The following PCCB variants were observed in gnomAD, a reference collection of about 807,000 sequenced individuals.
PCCB encodes the protein propionyl-CoA carboxylase subunit beta, also known as propionyl-CoA carboxylase beta chain, mitochondrial.
In PCCB, 43 loss-of-function variants were observed where a neutral mutation model predicts 60.7. The ratio of observed to expected loss-of-function variants is 0.71; its 90% CI spans 0.55 to 0.91. The LOEUF is 0.91. Among genes scored for constraint, PCCB ranks in the 40% least tolerant of loss-of-function variants. The pLI, the probability that PCCB is intolerant of heterozygous loss-of-function variation, is 0.00. For synonymous variants in PCCB, 276 were observed against 255.9 expected, an observed-to-expected ratio of 1.08 and a Z score of -0.75; for missense variants, 766 against 702.8, an observed-to-expected ratio of 1.09 and a Z score of -1.02.
chr3:136,283,908 C>G lies in PCCB; in HGVS notation c.615C>G (p.Val205=), dbSNP rs922880135. The change falls in exon 6 of 15, where the codon GTC becomes GTG. Residue 205 remains valine, a synonymous_variant. Coordinates refer to ENST00000251654, the MANE Select transcript of PCCB (RefSeq NM_000532.5). ...TGGGCCCATGTGCTGGTGGGGCCGTCTACTCCCCAGCCCTAACAGACTTCA... is the reference window on the plus strand; with the variant it reads ...TGGGCCCATGTGCTGGTGGGGCCGTGTACTCCCCAGCCCTAACAGACTTCA... ...LIMGPCAGGA[V]YSPALTDFTF... is the part of the protein sequence containing the mutation. The G allele has an allele frequency of 8.7e-6, 14 of 1,613,264 alleles. No individual in the cohort carries two copies. Among genetic ancestry groups the G allele is most frequent in the Non-Finnish European group, 1.1e-5 (13 of 1,179,274 alleles).
intron 1 of PCCB, among the ~76,000 whole-genome samples, chr3:136,250,858 A>G (rs1941495043): frequency 6.6e-6 from 1 of 152,212 alleles, no homozygotes; most frequent in African/African-American, 2.4e-5. Flanking sequence ...TCTGTGGGTC[A>G]TTTTAATAAT....
Position 136,329,896 on chromosome 3 carries a change from CT to C in PCCB, c.1499-7del. The C allele has an allele frequency of 1.2e-6, 2 of 1,614,088 alleles. No homozygotes were observed. Among genetic ancestry groups the C allele is most frequent in the Non-Finnish European group, 1.7e-6 (2 of 1,179,960 alleles). On this transcript the variant is annotated splice_polypyrimidine_tract_variant and splice_region_variant and intron_variant, in intron 14 of 14. Coordinates refer to ENST00000251654, the MANE Select transcript of PCCB (RefSeq NM_000532.5). ...CAGATGATCCACTCCCTTTTCTGTG[CT>C]TCACCAGGGTTTGTGGATGACATCA... is the stretch of plus-strand genomic sequence containing the variant.
intron 5 of PCCB, among the ~76,000 whole-genome samples, chr3:136,269,624 G>A (rs1248890166): frequency 2.0e-5 from 3 of 152,242 alleles, no homozygotes; most frequent in East Asian, 3.9e-4. Context: ...GGTGGCTCAC[G>A]CCTGTGATCC....
intron 3 of PCCB, chr3:136,260,276 C>G: frequency 1.5e-6 from 1 of 658,412 alleles, no homozygotes; most frequent in Non-Finnish European, 2.8e-6. Flanking sequence ...CGGGCTTCTG[C>G]CATGTCGCCC....
chr3:136,312,600 A>G (rs1934712493), intron 9 of PCCB, among the ~76,000 whole-genome samples: 1 of 152,248 alleles, frequency 6.6e-6, no homozygotes, highest in Non-Finnish European at 1.5e-5. Context: ...ATGTACAAAA[A>G]TAAACTACAA....
intron 3 of PCCB, among the ~76,000 whole-genome samples, chr3:136,258,591 A>T (rs184727424): frequency 6.6e-6 from 1 of 152,164 alleles, no homozygotes; most frequent in African/African-American, 2.4e-5. Flanking sequence ...CTTGCCTGAT[A>T]ATTGGCTGTT....
In PCCB at chr3:136,250,515, T is replaced by G. The variant is rs916083200; in HGVS notation, c.140T>G (p.Leu47Arg). 2 of 1,612,908 alleles carry G rather than the reference T, an allele frequency of 1.2e-6. No homozygotes were observed. Among genetic ancestry groups the G allele is most frequent in the African/African-American group, 2.7e-5 (2 of 74,930 alleles). ...ATCGAAAACAAGCGCCGGACCGCGC[T>G]GCTGGGAGGGGGCCAACGCCGTATT... ...ERIENKRRTA[L>R]LGGGQRRIDA... The change falls in exon 1 of 15, where the codon CTG becomes CGG. Residue 47 changes from leucine (L) to arginine (R), a missense_variant. Transcript: ENST00000251654.
rs369182457 is a variant in PCCB at position 136,270,713 on chromosome 3, T to C, written c.543+8648T>C. On this transcript the variant is annotated intron_variant, in intron 5 of 14. Coordinates refer to ENST00000251654, the MANE Select transcript of PCCB (RefSeq NM_000532.5). ...TAGAGACAGGGTTTCACCATATTGGTCAGGCTGGTCTCAAACTCCTGGCCT... is the reference window on the plus strand; with the variant it reads ...TAGAGACAGGGTTTCACCATATTGGCCAGGCTGGTCTCAAACTCCTGGCCT... 6.7e-4 allele frequency among the ~76,000 whole-genome samples: 102 copies of C among 152,180 alleles called. 1 individual carries two copies. The South Asian group carries it at 0.021, about 31-fold the overall frequency.
chr3:136,301,099 C>T lies in PCCB; in HGVS notation c.954C>T (p.Asp318=), dbSNP rs1934258723. 1 of 1,612,270 alleles carries T rather than the reference C, an allele frequency of 6.2e-7. No individual in the cohort carries two copies. The highest frequency in any genetic ancestry group is 1.3e-5 in the African/African-American group (1 of 75,006). ...CAACCAAAGCCTACAACATGGTGGA[C>T]ATCATACACTCTGTAAGTGCCACAT... ...LESTKAYNMV[D]IIHSVVDERE... The change falls in exon 9 of 15, where the codon GAC becomes GAT. Residue 318 remains aspartate (D), a synonymous_variant. Transcript: ENST00000251654.
chr3:136,256,723 A>G (rs902171327), intron 3 of PCCB, 100 bp downstream of exon 3: 4 of 845,152 alleles, frequency 4.7e-6, no homozygotes, highest in Non-Finnish European at 8.2e-6. Context: ...ACTTGCTTGT[A>G]GTTTGGGGAA....
chr3:136,314,623 C>T (rs1158042695), intron 9 of PCCB, among the ~76,000 whole-genome samples: 3 of 151,954 alleles, frequency 2.0e-5, no homozygotes, highest in African/African-American at 7.3e-5. Context: ...CCACTGCACT[C>T]CCACCTAGGT....
At chr3:136,257,402 A>G (rs1941701247) in intron 3 of PCCB, among the ~76,000 whole-genome samples, 1 of 152,230 alleles carries the variant, frequency 6.6e-6, no homozygotes, top group Admixed American at 6.5e-5. Flanking sequence ...AAGGGAGCAC[A>G]GTCCTGCCAA....
At chr3:136,327,046 C>G (rs1935343054) in intron 11 of PCCB, 109 bp from the exon 12 acceptor site, 1 of 1,160,348 alleles carries the variant, frequency 8.6e-7, no homozygotes, top group African/African-American at 1.5e-5. Flanking sequence ...GAAGATAGGG[C>G]TGTGTAAGGA....
chr3:136,257,685 C>G (rs1414220640), intron 3 of PCCB, among the ~76,000 whole-genome samples: 1 of 152,044 alleles, frequency 6.6e-6, no homozygotes. Flanking sequence ...GCCTGTAGTC[C>G]CAGTACTTTG....
rs779748358 is a variant in PCCB, at chr3:136,327,179, TCA to T, written c.1224_1225del (p.Ile409ProfsTer12). The T allele has an allele frequency of 6.2e-7, 1 of 1,613,380 alleles. No homozygotes were observed. Among genetic ancestry groups the T allele is most frequent in the South Asian group, 1.1e-5 (1 of 91,082 alleles). ...GGCACAGCACAGGAATACGGGGGCA[TCA>T]TCCGGCATGGTGCCAAGCTTCTCTA... On this transcript the variant is annotated frameshift_variant, in exon 12 of 15. Coordinates refer to ENST00000251654, the MANE Select transcript of PCCB (RefSeq NM_000532.5). LOFTEE classifies it high-confidence loss of function.
intron 8 of PCCB, 23 bp downstream of exon 8, chr3:136,298,095 T>G: frequency 1.2e-6 from 2 of 1,613,788 alleles, no homozygotes; most frequent in South Asian, 2.2e-5. Context: ...CCGGTGCACC[T>G]TCTCTCATTT....
chr3:136,252,383 G>C (rs1410809557), intron 1 of PCCB: 2 of 452,562 alleles, frequency 4.4e-6, no homozygotes, highest in Admixed American at 4.8e-5. Flanking sequence ...AGTACCTGGG[G>C]TTACAGGTAT....
chr3:136,316,927 A>G lies in PCCB; in HGVS notation c.967-14A>G, dbSNP rs1011978513. On this transcript the variant is annotated splice_polypyrimidine_tract_variant and intron_variant, in intron 9 of 14. Coordinates refer to ENST00000251654, the MANE Select transcript of PCCB (RefSeq NM_000532.5). ...TTTACCATTTTGAGCTCAGAAGTAAATTTATTCCTGCAGGTTGTTGATGAG... is the reference window on the plus strand; with the variant it reads ...TTTACCATTTTGAGCTCAGAAGTAAGTTTATTCCTGCAGGTTGTTGATGAG... The G allele has an allele frequency of 1.7e-5, 27 of 1,613,792 alleles. No homozygotes were observed. In the Admixed American group the frequency reaches 1.8e-4, roughly 11 times the overall value.
At chr3:136,275,022 A>C (rs144841305) in intron 5 of PCCB, among the ~76,000 whole-genome samples, 2 of 152,164 alleles carry the variant, frequency 1.3e-5, no homozygotes, top group East Asian at 1.9e-4. Flanking sequence ...TATGTTGCTC[A>C]GGCTGGTCTC....
Sources: allele counts gnomAD v4.1 joint callset (sites outside exome capture counted in the v4.1 genomes callset), GRCh38; gene constraint gnomAD v4.1.1; transcripts MANE v1.5; gene names NCBI Gene and HGNC (gene_info 2026-07-23, HGNC 2026-07-21).